The following CACNA1A variants were observed in gnomAD, a reference collection of about 807,000 sequenced individuals.
CACNA1A encodes the protein calcium voltage-gated channel subunit alpha1 A.
Under a neutral mutation model 262.4 loss-of-function variants are expected in CACNA1A, and 57 were observed. The ratio of observed to expected loss-of-function variants is 0.22; its 90% CI spans 0.18 to 0.27. The LOEUF (loss-of-function observed/expected upper bound fraction) is 0.27, where lower values mean the gene tolerates loss of function less well. Among genes scored for constraint, CACNA1A ranks in the 10% least tolerant of loss-of-function variants. CACNA1A has a pLI of 1.00. For missense variants in CACNA1A, 2,526 were observed against 3,562.8 expected, an observed-to-expected ratio of 0.71 and a Z score of 7.41; for synonymous variants, 1,431 against 1,419.3, an observed-to-expected ratio of 1.01 and a Z score of -0.18.
rs144314736 is a variant in CACNA1A at position 13,421,337 on chromosome 19, T to C, written c.539+31539A>G. Among the ~76,000 whole-genome samples, 152 of 152,238 alleles carry C rather than the reference T, an allele frequency of 1.0e-3. 3 individuals are homozygous for C. Among genetic ancestry groups the C allele is most frequent in the African/African-American group, 3.4e-3 (143 of 41,540 alleles). ...GCTACATAATATAATAAATATTAAT[T>C]ATGTACCCAGGAAGTTGTAGTCATG... On this transcript the variant is annotated intron_variant, in intron 3 of 46. Transcript: ENST00000360228.
chr19:13,331,337 A>G (rs2058464769), intron 9 of CACNA1A, among the ~76,000 whole-genome samples: 1 of 151,998 alleles, frequency 6.6e-6, no homozygotes, highest in African/African-American at 2.4e-5. Flanking sequence ...CCCAGGTTCA[A>G]GCAATTCTCG....
chr19:13,504,798 C>T (rs1982817282), intron 1 of CACNA1A, among the ~76,000 whole-genome samples: 1 of 152,092 alleles, frequency 6.6e-6, no homozygotes, highest in African/African-American at 2.4e-5. Context: ...GCTAGAAAGC[C>T]CGACTAATTA....
In CACNA1A at chr19:13,207,272, G is replaced by T; in HGVS notation, c.*41C>A. The T allele has an allele frequency of 1.3e-6, 2 of 1,508,882 alleles. No individual in the cohort carries two copies. The highest frequency in any genetic ancestry group is 1.2e-5 in the South Asian group (1 of 83,208). The allele number at this position is 1,508,882 out of a possible 1,614,324, so 93.5% of individuals were successfully genotyped here. On this transcript the variant is annotated 3_prime_UTR_variant, in exon 47 of 47. Transcript: ENST00000360228. The surrounding 1 kb of genome is among the most constrained non-coding windows in gnomAD (Gnocchi z 5.7). ...GGCTCCTCGGGTGGGGTGTGTGCGT[G>T]GGGTGCGTGGGGGGCCGGGCGGGCG...
intron 19 of CACNA1A, among the ~76,000 whole-genome samples, chr19:13,294,267 T>C (rs548358357): frequency 6.6e-6 from 1 of 150,792 alleles, no homozygotes; most frequent in African/African-American, 2.4e-5. Context: ...CAGATAATTA[T>C]AAGCAAGATT....
At chr19:13,370,551 A>G (rs1480953977) in intron 4 of CACNA1A, among the ~76,000 whole-genome samples, 6 of 150,922 alleles carry the variant, frequency 4.0e-5, no homozygotes, top group African/African-American at 1.5e-4. Context: ...TCAGCCTTTT[A>G]AGTAGCTGGG....
intron 38 of CACNA1A, among the ~76,000 whole-genome samples, chr19:13,216,199 C>T (rs1022884388): frequency 4.6e-5 from 7 of 152,178 alleles, no homozygotes; most frequent in Admixed American, 2.0e-4. Flanking sequence ...AGCTCTCTGA[C>T]GGTGTTTCCT....
At chr19:13,340,077 G>T (rs946869326) in intron 6 of CACNA1A, among the ~76,000 whole-genome samples, 1 of 152,156 alleles carries the variant, frequency 6.6e-6, no homozygotes, top group Non-Finnish European at 1.5e-5. Context: ...TGCACCGGCC[G>T]CCAGTAGGGA....
At chr19:13,336,594 G>GGAGAGAGAGGGAGAGGGAGAGA (rs1555768093) in intron 6 of CACNA1A, among the ~76,000 whole-genome samples, 3 of 65,490 alleles carry the variant, frequency 4.6e-5, no homozygotes, top group African/African-American at 1.5e-4. Context: ...AGAGAGAGAG[G>GGAGAGAGAGGGAGAGGGAGAGA]GAGAGAGAGA....
At chr19:13,455,518 G>T (rs1201602522) in intron 1 of CACNA1A, among the ~76,000 whole-genome samples, 1 of 152,218 alleles carries the variant, frequency 6.6e-6, no homozygotes, top group Non-Finnish European at 1.5e-5. Context: ...ACAGTTGAGA[G>T]CAAAGCAGAC....
At chr19:13,362,285 T>C (rs1399308141) in intron 5 of CACNA1A, 1 of 152,140 alleles carries the variant, frequency 6.6e-6, no homozygotes, top group East Asian at 1.9e-4. Context: ...GTAACCTCTA[T>C]GTCCCAGGTT....
At chr19:13,245,608 C>G (rs1235936920) in intron 30 of CACNA1A, 2 of 262,544 alleles carry the variant, frequency 7.6e-6, no homozygotes, top group Non-Finnish European at 1.5e-5. Context: ...AATGACATCA[C>G]TGAGCTCCTC....
Position 13,506,459 on chromosome 19 carries a change from T to G in CACNA1A, c.-235A>C, listed in dbSNP as rs1370661345. 6.6e-6 allele frequency: 2 copies of G among 304,106 alleles called. No individual in the cohort carries two copies. Among genetic ancestry groups the G allele is most frequent in the Non-Finnish European group, 1.2e-5 (2 of 170,962 alleles). 18.8% of individuals were successfully genotyped at this position (304,106 alleles called of 1,614,324 possible). A position where few individuals can be genotyped will look rare whatever the true frequency, so the allele number is the denominator to read the frequency against. Reference sequence around the variant, plus strand: ...GAGCCGGGGATAGCAGCTCGGGACATCTTCCTGGCTGACCCCGGAGAAGGA... The same window carrying G: ...GAGCCGGGGATAGCAGCTCGGGACAGCTTCCTGGCTGACCCCGGAGAAGGA... On this transcript the variant is annotated 5_prime_UTR_variant, in exon 1 of 47. An upstream start codon of the reference 5' UTR is lost. Transcript: ENST00000360228.
At chr19:13,251,100 C>G (rs1284204745) in intron 30 of CACNA1A, among the ~76,000 whole-genome samples, 1 of 145,780 alleles carries the variant, frequency 6.9e-6, no homozygotes, top group Admixed American at 7.1e-5. Flanking sequence ...CCACGGTACT[C>G]CAGCTTGGGC....
chr19:13,209,377 C>A lies in CACNA1A; in HGVS notation c.6461G>T (p.Arg2154Leu), dbSNP rs754317278. ...PPEENQRHHQ[R>L]RRDRSHRASE... is the part of the protein sequence containing the mutation. ...GGCGCGGTGGCTGCGGTCGCGGCGC[C>A]GCTGGTGGTGCCGCTGGTTCTCCTC... The change falls in exon 45 of 47, where the codon CGG (arginine) becomes CTG (leucine). Residue 2154 changes from arginine (R) to leucine (L), a missense_variant. Arg to Leu is a moderately radical substitution (Grantham distance 102, BLOSUM62 -2). Around this residue, in one of 17 missense-constraint regions of CACNA1A, gnomAD observed 929 missense variants for 868.1 expected, o/e 1.07. Transcript: ENST00000360228. 7.2e-7 allele frequency: 1 copy of A among 1,389,452 alleles called. No individual in the cohort carries two copies. The highest frequency in any genetic ancestry group is 1.5e-5 in the African/African-American group (1 of 67,234). The allele number at this position is 1,389,452 out of a possible 1,614,324, so 86.1% of individuals were successfully genotyped here.
At chr19:13,470,342 C>T (rs1211413710) in intron 1 of CACNA1A, among the ~76,000 whole-genome samples, 2 of 152,150 alleles carry the variant, frequency 1.3e-5, no homozygotes, top group African/African-American at 2.4e-5. Flanking sequence ...CAAAGAGGAT[C>T]ACCAAAGACC....
rs149063356 is a variant in CACNA1A, at chr19:13,484,467, G to A, written c.293+21465C>T. Among the ~76,000 whole-genome samples the A allele has an allele frequency of 1.9e-3, 282 of 152,202 alleles. 3 individuals carry two copies. Among genetic ancestry groups the A allele is most frequent in the African/African-American group, 6.6e-3 (275 of 41,530 alleles). On this transcript the variant is annotated intron_variant, in intron 1 of 46. Transcript: ENST00000360228. ...CAGAAAAGAAACAGAGATAGAGAGA[G>A]GGGAGAGAGGGGAAAAATCATGCCA...
intron 19 of CACNA1A, among the ~76,000 whole-genome samples, chr19:13,296,561 A>T (rs2057670657): frequency 6.6e-6 from 1 of 152,110 alleles, no homozygotes. Context: ...TAACATTTTT[A>T]TTTATTTTTA....
At chr19:13,269,064 A>G (rs758944700) in intron 24 of CACNA1A, among the ~76,000 whole-genome samples, 16 of 152,066 alleles carry the variant, frequency 1.1e-4, no homozygotes, top group Non-Finnish European at 2.4e-4. Context: ...TAGCACAATC[A>G]TAGCTTACCG....
In CACNA1A at chr19:13,501,287, C is replaced by T. The variant is rs150368963; in HGVS notation, c.293+4645G>A. ...CTGCCTCCCAGGTTCAAATGATTCT[C>T]CTGCCAGCCTCCCGAGTAGCTGGGA... On this transcript the variant is annotated intron_variant, in intron 1 of 46. Transcript: ENST00000360228. 7.5e-3 allele frequency among the ~76,000 whole-genome samples: 1,136 copies of T among 151,764 alleles called. 6 individuals carry two copies. The highest frequency in any genetic ancestry group is 0.012 in the Non-Finnish European group (839 of 67,946).
Sources: gnomAD v4.1 joint callset for allele counts (sites outside exome capture counted in the v4.1 genomes callset) on GRCh38, gnomAD v4.1.1 for gene constraint, gnomAD v4.1.1 regional missense constraint, Gnocchi (gnomAD v3.1) non-coding constraint, MANE v1.5 for transcripts, NCBI Gene and HGNC (gene_info 2026-07-23, HGNC 2026-07-21) for gene names.